The following DOCK4 variants were observed in gnomAD, a reference collection of about 807,000 sequenced individuals.
DOCK4 encodes dedicator of cytokinesis 4.
DOCK4 carries 97 observed loss-of-function variants against 268.1 expected under a neutral mutation model. The ratio of observed to expected loss-of-function variants is 0.36; its 90% CI spans 0.31 to 0.43. The LOEUF (loss-of-function observed/expected upper bound fraction) is 0.43. Among genes scored for constraint, DOCK4 ranks in the 20% least tolerant of loss-of-function variants. DOCK4 has a pLI of 1.00. For synonymous variants in DOCK4, 954 were observed against 887.2 expected (o/e 1.08, Z -1.34); for missense variants, 2,145 against 2,455.7 (o/e 0.87, Z 2.67).
At chr7:111,814,186 T>C (rs771182554) in intron 27 of DOCK4, among the ~76,000 whole-genome samples, 3 of 152,192 alleles carry the variant, frequency 2.0e-5, no homozygotes, top group Non-Finnish European at 2.9e-5. Context: ...AGAGAAGTTA[T>C]TCCATGGCAA....
At chr7:111,837,750 A>T (rs1329282425) in intron 25 of DOCK4, among the ~76,000 whole-genome samples, 3 of 152,218 alleles carry the variant, frequency 2.0e-5, no homozygotes, top group Admixed American at 6.5e-5. Context: ...AAAAAAAATG[A>T]AGATATTACA....
intron 1 of DOCK4, among the ~76,000 whole-genome samples, chr7:112,171,875 C>A (rs1818114374): frequency 6.6e-6 from 1 of 152,184 alleles, no homozygotes; most frequent in African/African-American, 2.4e-5. Context: ...AAGGTGCTGG[C>A]AGGGCTGGTT....
chr7:111,994,321 G>A (rs1325218731), intron 4 of DOCK4, 90 bp from the exon 5 acceptor site: 2 of 734,780 alleles, frequency 2.7e-6, no homozygotes, highest in South Asian at 2.3e-5. Context: ...AGAAAAGAAA[G>A]CTGCCTAGCT....
At chr7:112,148,552 G>A (rs1563132581) in intron 1 of DOCK4, among the ~76,000 whole-genome samples, 2 of 152,140 alleles carry the variant, frequency 1.3e-5, no homozygotes, top group East Asian at 1.9e-4. Context: ...AAATCTAGGG[G>A]CCAGTAGCAT....
chr7:111,892,147 G>A (rs568563014), intron 16 of DOCK4, among the ~76,000 whole-genome samples: 66 of 152,278 alleles, frequency 4.3e-4, no homozygotes, highest in African/African-American at 1.6e-3. Flanking sequence ...CTTCTCACCT[G>A]TAGATTATAA....
chr7:112,006,811 T>C (rs960237116), intron 1 of DOCK4, among the ~76,000 whole-genome samples: 1 of 152,202 alleles, frequency 6.6e-6, no homozygotes, highest in African/African-American at 2.4e-5. Flanking sequence ...GCAACAGCCA[T>C]CTGATAATGC....
intron 1 of DOCK4, among the ~76,000 whole-genome samples, chr7:112,013,439 C>G (rs1421214185): frequency 6.6e-6 from 1 of 152,190 alleles, no homozygotes; most frequent in Non-Finnish European, 1.5e-5. Flanking sequence ...AGCCAGTGAA[C>G]AGTTCAACGG....
intron 25 of DOCK4, among the ~76,000 whole-genome samples, chr7:111,843,337 C>A (rs1001192325): frequency 6.6e-6 from 1 of 152,038 alleles, no homozygotes; most frequent in East Asian, 1.9e-4. Context: ...AAGATACCTG[C>A]AAACCACATA....
intron 1 of DOCK4, among the ~76,000 whole-genome samples, chr7:112,051,052 G>C (rs1273554957): frequency 6.6e-6 from 1 of 152,054 alleles, no homozygotes; most frequent in Non-Finnish European, 1.5e-5. Flanking sequence ...ACAAAGAAGA[G>C]AGTATTAGGC....
chr7:112,070,966 C>T (rs1683422155), intron 1 of DOCK4, among the ~76,000 whole-genome samples: 1 of 152,140 alleles, frequency 6.6e-6, no homozygotes, highest in African/African-American at 2.4e-5. Flanking sequence ...TCAGCTACGA[C>T]CTCTTTCTAC....
chr7:112,106,908 T>C (rs761095242), intron 1 of DOCK4, among the ~76,000 whole-genome samples: 2 of 152,236 alleles, frequency 1.3e-5, no homozygotes, highest in Non-Finnish European at 2.9e-5. Context: ...AGCCTAGTAT[T>C]CTGGCCATGT....
chr7:112,167,526 C>T (rs561378624), intron 1 of DOCK4, among the ~76,000 whole-genome samples: 60 of 152,114 alleles, frequency 3.9e-4, no homozygotes, highest in African/African-American at 1.1e-3. Context: ...TTAGGAATTC[C>T]GCCTATTACT....
At chr7:111,792,093 T>A (rs193040994) in intron 30 of DOCK4, among the ~76,000 whole-genome samples, 1 of 152,262 alleles carries the variant, frequency 6.6e-6, no homozygotes, top group African/African-American at 2.4e-5. Flanking sequence ...AGGTGAGTTT[T>A]AAGTCTATTA....
intron 10 of DOCK4, among the ~76,000 whole-genome samples, chr7:111,943,653 A>T (rs1438440296): frequency 6.6e-6 from 1 of 152,230 alleles, no homozygotes; most frequent in Non-Finnish European, 1.5e-5. Context: ...CAACCTTTTC[A>T]AAGATTCTTT....
intron 12 of DOCK4, among the ~76,000 whole-genome samples, chr7:111,926,098 A>AAGAC (rs1352639765): frequency 7.1e-6 from 1 of 141,340 alleles, no homozygotes; most frequent in Non-Finnish European, 1.5e-5. Context: ...AGAAAAAAGA[A>AAGAC]AGAGAGAGAG....
intron 7 of DOCK4, among the ~76,000 whole-genome samples, chr7:111,982,772 T>C (rs751079713): frequency 6.6e-6 from 1 of 152,216 alleles, no homozygotes; most frequent in Non-Finnish European, 1.5e-5. Flanking sequence ...CTTGAACATA[T>C]AGAGGTATAC....
chr7:111,846,525 A>C (rs1804118535), intron 24 of DOCK4, among the ~76,000 whole-genome samples: 1 of 152,118 alleles, frequency 6.6e-6, no homozygotes, highest in Admixed American at 6.5e-5. Flanking sequence ...GGGGCCAAGT[A>C]ATGGTTATAC....
intron 1 of DOCK4, among the ~76,000 whole-genome samples, chr7:112,108,036 G>A (rs1426263901): frequency 6.6e-6 from 1 of 152,190 alleles, no homozygotes; most frequent in East Asian, 1.9e-4. Flanking sequence ...ACCTTATAGA[G>A]AGCAATAGAG....
intron 1 of DOCK4, among the ~76,000 whole-genome samples, chr7:112,117,774 AT>A (rs891712068): frequency 6.6e-6 from 1 of 152,132 alleles, no homozygotes; most frequent in Non-Finnish European, 1.5e-5. Context: ...TGGCATGGTG[AT>A]TTTTTAGGAG....
Sources: allele counts gnomAD v4.1 joint callset (sites outside exome capture counted in the v4.1 genomes callset), GRCh38; gene constraint gnomAD v4.1.1; transcripts MANE v1.5; gene names NCBI Gene and HGNC (gene_info 2026-07-23, HGNC 2026-07-21).